Variants in PCDH15 observed in about 807,000 individuals in gnomAD.
PCDH15 encodes the protein protocadherin related 15.
In PCDH15, 129 loss-of-function variants were observed where a neutral mutation model predicts 178.5. The observed-to-expected ratio is 0.72, with a 90% CI of 0.63 to 0.84. PCDH15 has a LOEUF of 0.84. Among genes scored for constraint, PCDH15 ranks in the 40% least tolerant of loss-of-function variants. PCDH15 has a pLI of 0.00. For missense variants in PCDH15, 2,230 were observed against 2,099.9 expected (o/e 1.06, Z -1.21); for synonymous variants, 800 against 732.0 (o/e 1.09, Z -1.50).
rs1252259548 is a variant in PCDH15, at chr10:54,153,104, G to C, written c.1780C>G (p.Arg594Gly). ...QAADNAPPAE[R>G]RNSICTVYIE... The stretch of plus-strand genomic sequence containing the variant: ...ATTGGTTCTAATATAAATTACCTTC[G>C]CTCTGCAGGAGGAGCATTATCCGCT... Residue 594 changes from arginine to glycine, a missense_variant, in exon 14 of 38, where the codon CGA becomes GGA. Coordinates refer to ENST00000644397, the MANE Select transcript of PCDH15 (RefSeq NM_001384140.1). 6.2e-7 allele frequency: 1 copy of C among 1,613,604 alleles called. No individual in the cohort carries two copies. Among genetic ancestry groups the C allele is most frequent in the Non-Finnish European group, 8.5e-7 (1 of 1,179,742 alleles).
Position 54,457,896 on chromosome 10 carries a change from A to G in PCDH15, c.157+69916T>C, listed in dbSNP as rs1488708775. The stretch of plus-strand genomic sequence containing the variant: ...GCACTGTTTTATGCCCAAACATAAT[A>G]CAATATTCCTGTTTCAAGTGGAGAA... On this transcript the variant is annotated intron_variant, in intron 3 of 37. Transcript: ENST00000644397. Among the ~76,000 whole-genome samples the G allele has an allele frequency of 2.0e-5, 3 of 152,248 alleles. No individual in the cohort carries two copies. The East Asian group carries it at 5.8e-4, about 29-fold the overall frequency.
At chr10:54,086,126 T>C (rs1331689048) in intron 16 of PCDH15, among the ~76,000 whole-genome samples, 3 of 152,144 alleles carry the variant, frequency 2.0e-5, no homozygotes, top group African/African-American at 7.2e-5. Flanking sequence ...TGTCTCACAG[T>C]TCTACAGGCT....
At chr10:54,673,327 G>A (rs1027752647) in intron 1 of PCDH15, among the ~76,000 whole-genome samples, 1 of 151,878 alleles carries the variant, frequency 6.6e-6, no homozygotes, top group Non-Finnish European at 1.5e-5. Flanking sequence ...TGCGGTGCTT[G>A]GTTTTTCTGT....
chr10:53,825,478 T>TTAAAA (rs2076618204), intron 32 of PCDH15, among the ~76,000 whole-genome samples: 1 of 151,808 alleles, frequency 6.6e-6, no homozygotes, highest in African/African-American at 2.4e-5. Context: ...GTTTAAAAAT[T>TTAAAA]GCTTCTATGA....
intron 2 of PCDH15, among the ~76,000 whole-genome samples, chr10:55,581,759 A>G (rs1842619379): frequency 6.6e-6 from 1 of 152,170 alleles, no homozygotes; most frequent in African/African-American, 2.4e-5. Flanking sequence ...AAAAGACTGA[A>G]GGTCCAGTAA....
intron 2 of PCDH15, among the ~76,000 whole-genome samples, chr10:54,949,170 A>G (rs1459016892): frequency 1.3e-5 from 2 of 151,944 alleles, no homozygotes. Context: ...TCACACTGCT[A>G]TAAAGAACTG....
intron 1 of PCDH15, among the ~76,000 whole-genome samples, chr10:54,704,067 A>T (rs2095341252): frequency 6.6e-6 from 1 of 152,132 alleles, no homozygotes; most frequent in African/African-American, 2.4e-5. Context: ...GAAGATTGAA[A>T]TTGGACTCAT....
chr10:54,415,672 A>G (rs936294128), intron 3 of PCDH15, among the ~76,000 whole-genome samples: 3 of 152,162 alleles, frequency 2.0e-5, no homozygotes, highest in African/African-American at 7.2e-5. Flanking sequence ...ATTACAATCT[A>G]TATACCACAT....
Position 53,930,381 on chromosome 10 carries a change from C to A in PCDH15, c.3373+8434G>T, listed in dbSNP as rs978154265. Among the ~76,000 whole-genome samples, 4 of 137,126 alleles carry A rather than the reference C, an allele frequency of 2.9e-5. No homozygotes were observed. The South Asian group carries it at 9.3e-4, about 32-fold the overall frequency. 90.0% of individuals were successfully genotyped at this position (137,126 alleles called of 152,430 possible). On this transcript the variant is annotated intron_variant, in intron 25 of 37. Transcript: ENST00000644397. ...GCTGAGGCAGGAGAATGGCATGAAC[C>A]TGGGAGGCGGAGCTTGCAACGAGCT... is the stretch of plus-strand genomic sequence containing the variant.
chr10:54,966,251 A>T (rs1838785321), intron 2 of PCDH15, among the ~76,000 whole-genome samples: 1 of 152,106 alleles, frequency 6.6e-6, no homozygotes, highest in African/African-American at 2.4e-5. Context: ...AGGTAAAAAA[A>T]ATCTGGAAAG....
chr10:55,439,824 G>C (rs1305597793), intron 2 of PCDH15, among the ~76,000 whole-genome samples: 2 of 152,044 alleles, frequency 1.3e-5, no homozygotes, highest in African/African-American at 4.8e-5. Context: ...ACTATAAAAA[G>C]TTTTAGTGTG....
At chr10:54,199,567 C>T (rs1020201) in intron 10 of PCDH15, among the ~76,000 whole-genome samples, 19,197 of 89,194 alleles carry the variant, frequency 0.22, 1,989 homozygotes, top group African/African-American at 0.36. Flanking sequence ...ACAACAACAA[C>T]AACAATAATA....
intron 30 of PCDH15, among the ~76,000 whole-genome samples, chr10:53,829,313 A>G (rs1015645875): frequency 6.6e-6 from 1 of 152,198 alleles, no homozygotes; most frequent in Non-Finnish European, 1.5e-5. Context: ...TAATGCGTCT[A>G]TAAATTATTT....
chr10:54,283,098 G>A lies in PCDH15; in HGVS notation c.876+34173C>T, dbSNP rs201744303. Among the ~76,000 whole-genome samples, 3 of 152,074 alleles carry A rather than the reference G, an allele frequency of 2.0e-5. No homozygotes were observed. In the East Asian group the frequency reaches 5.8e-4, roughly 29 times the overall value. ...TCCCAAGATCTATGAATGCTATAAG[G>A]ACCACTACAGTTGATAGCGTAGAGA... On this transcript the variant is annotated intron_variant, in intron 8 of 37. Transcript: ENST00000644397.
chr10:55,097,907 G>A (rs1316102370), intron 2 of PCDH15, among the ~76,000 whole-genome samples: 1 of 152,066 alleles, frequency 6.6e-6, no homozygotes, highest in African/African-American at 2.4e-5. Context: ...GGTAACAAGT[G>A]TATTTACAGC....
At chr10:54,654,158 C>T (rs963118411) in intron 2 of PCDH15, among the ~76,000 whole-genome samples, 3 of 152,192 alleles carry the variant, frequency 2.0e-5, no homozygotes, top group African/African-American at 7.2e-5. Flanking sequence ...ACTCCACCCA[C>T]CAGCTTCTGG....
In PCDH15 at chr10:54,847,910, G is replaced by A. The variant is rs189176298; in HGVS notation, c.-29+49540C>T. On this transcript the variant is annotated intron_variant, in intron 3 of 5. Transcript: ENST00000458638. ...AGGCACAGGACTTGAATATACTGCAGTCTGATGGCCAAGCCCATATACTTT... is the reference window on the plus strand; with the variant it reads ...AGGCACAGGACTTGAATATACTGCAATCTGATGGCCAAGCCCATATACTTT... 4.2e-3 allele frequency among the ~76,000 whole-genome samples: 639 copies of A among 152,274 alleles called. 2 individuals are homozygous for A. The highest frequency in any genetic ancestry group is 0.014 in the African/African-American group (597 of 41,550).
chr10:54,740,804 C>A (rs745362316), intron 1 of PCDH15, among the ~76,000 whole-genome samples: 6 of 151,772 alleles, frequency 4.0e-5, no homozygotes, highest in Non-Finnish European at 5.9e-5. Flanking sequence ...CACTAATATG[C>A]GGGAGCTAAA....
At chr10:54,315,637 T>G (rs12573536) in intron 8 of PCDH15, among the ~76,000 whole-genome samples, 31,105 of 151,992 alleles carry the variant, frequency 0.2, 3,233 homozygotes, top group Admixed American at 0.23. Context: ...GCCTAGGTGG[T>G]CCTCCAGGGT....
Sources: gnomAD v4.1 joint callset for allele counts (sites outside exome capture counted in the v4.1 genomes callset) on GRCh38, gnomAD v4.1.1 for gene constraint, MANE v1.5 for transcripts, NCBI Gene and HGNC (gene_info 2026-07-23, HGNC 2026-07-21) for gene names.